NLGN4X: variants seen among roughly 807,000 people sequenced by gnomAD.
The protein encoded by NLGN4X is neuroligin-4, X-linked.
A neutral mutation model predicts 40.3 loss-of-function variants in NLGN4X; 3 were observed. The ratio of observed to expected loss-of-function variants is 0.07; its 90% CI spans 0.03 to 0.19. NLGN4X has a LOEUF of 0.19. NLGN4X is among the 10% of genes least tolerant of loss of function. The pLI is 1.00. For missense variants in NLGN4X, 382 were observed against 708.3 expected, an observed-to-expected ratio of 0.54 and a Z score of 5.23; for synonymous variants, 270 against 306.8, an observed-to-expected ratio of 0.88 and a Z score of 1.25.
At chrX:6,102,052 C>T (rs1000937453) in intron 2 of NLGN4X, among the ~76,000 whole-genome samples, 2 of 111,062 alleles carry the variant, frequency 1.8e-5, no homozygotes, top group East Asian at 2.8e-4. Context: ...CCTCGTGATC[C>T]GCCTGCCTCA....
At chrX:6,164,291 C>T (rs764495904) in intron 1 of NLGN4X, among the ~76,000 whole-genome samples, 4 of 112,529 alleles carry the variant, frequency 3.6e-5, no homozygotes, top group Non-Finnish European at 5.6e-5. Flanking sequence ...AACCTCATTT[C>T]CTTTAAAAGG....
chrX:6,197,453 T>TTTTTTTTTTTTTTTTTTTTTG (rs1327294621), intron 1 of NLGN4X, among the ~76,000 whole-genome samples: 4 of 106,624 alleles, frequency 3.8e-5, no homozygotes, highest in Non-Finnish European at 7.8e-5. Flanking sequence ...GTATTTTTTA[T>TTTTTTTTTTTTTTTTTTTTTG]AGAGACGGAG....
chrX:5,985,391 C>G (rs894791885), intron 3 of NLGN4X, among the ~76,000 whole-genome samples: 1 of 111,047 alleles, frequency 9.0e-6, no homozygotes, highest in African/African-American at 3.3e-5. Flanking sequence ...CTCTGGAGTA[C>G]CTAGGACTAC....
chrX:6,137,986 G>A (rs146921736), intron 2 of NLGN4X, among the ~76,000 whole-genome samples: 541 of 111,426 alleles, frequency 4.9e-3, no homozygotes, highest in African/African-American at 0.015. Context: ...TCAGGGAAAC[G>A]TGCAGTAAAC....
chrX:5,959,048 TG>T (rs1280450751), intron 3 of NLGN4X, among the ~76,000 whole-genome samples: 1 of 112,229 alleles, frequency 8.9e-6, no homozygotes, highest in Non-Finnish European at 1.9e-5. Flanking sequence ...CAGGCCCAAA[TG>T]TGTTACACAT....
At chrX:6,106,403 G>A (rs1281375183) in intron 2 of NLGN4X, among the ~76,000 whole-genome samples, 1 of 111,546 alleles carries the variant, frequency 9.0e-6, no homozygotes, top group African/African-American at 3.3e-5. Context: ...CATGCATACT[G>A]TATGGAATCA....
chrX:5,997,566 A>ATGTG (rs34152567), intron 3 of NLGN4X, among the ~76,000 whole-genome samples: 12 of 53,990 alleles, frequency 2.2e-4, no homozygotes, highest in African/African-American at 7.9e-4. Context: ...ATAAAATTAC[A>ATGTG]TGTGTGTGTG....
intron 3 of NLGN4X, among the ~76,000 whole-genome samples, chrX:5,944,650 CAAAAAAAAA>C (rs750871231): frequency 2.3e-4 from 6 of 25,576 alleles, no homozygotes; most frequent in Admixed American, 9.4e-4. Flanking sequence ...GACTCTGTCT[CAAAAAAAAA>C]AAAAAAAAAA....
intron 2 of NLGN4X, among the ~76,000 whole-genome samples, chrX:6,129,309 A>G (rs761139948): frequency 3.6e-5 from 4 of 112,019 alleles, no homozygotes; most frequent in Non-Finnish European, 7.5e-5. Context: ...CTTGCCAGTC[A>G]ATAGAGTACT....
intron 3 of NLGN4X, among the ~76,000 whole-genome samples, chrX:6,006,043 T>C (rs993352354): frequency 9.0e-6 from 1 of 111,724 alleles, no homozygotes; most frequent in African/African-American, 3.3e-5. Context: ...GAAATTTGCA[T>C]GCCTTTTCTT....
At chrX:6,106,184 G>A (rs750283157) in intron 2 of NLGN4X, among the ~76,000 whole-genome samples, 2 of 111,801 alleles carry the variant, frequency 1.8e-5, no homozygotes, top group African/African-American at 6.5e-5. Flanking sequence ...GTCAGATCAG[G>A]TTTTGCCCCC....
chrX:6,154,482 T>C (rs778270814), intron 1 of NLGN4X, among the ~76,000 whole-genome samples: 2 of 110,356 alleles, frequency 1.8e-5, no homozygotes, highest in Non-Finnish European at 3.8e-5. Flanking sequence ...AGAACCACTG[T>C]AAATTTAACC....
At chrX:6,192,255 G>A (rs1922609121) in intron 1 of NLGN4X, among the ~76,000 whole-genome samples, 2 of 110,996 alleles carry the variant, frequency 1.8e-5, no homozygotes, top group Admixed American at 1.9e-4. Flanking sequence ...AGCCTCCCAA[G>A]TAGCTGGGAC....
At chrX:6,180,958 G>A (rs143067006) in intron 1 of NLGN4X, among the ~76,000 whole-genome samples, 2,668 of 111,471 alleles carry the variant, frequency 0.024, 78 homozygotes, top group African/African-American at 0.08. Flanking sequence ...TAAGTAAAGC[G>A]AAGATAAAGC....
At chrX:6,210,230 G>A (rs758571292) in intron 1 of NLGN4X, among the ~76,000 whole-genome samples, 219 of 93,053 alleles carry the variant, frequency 2.4e-3, no homozygotes, top group African/African-American at 2.8e-3. Context: ...TTGTGCGTGC[G>A]TGTGCGCCCG....
At chrX:5,971,493 T>C (rs935831300) in intron 3 of NLGN4X, among the ~76,000 whole-genome samples, 8 of 111,699 alleles carry the variant, frequency 7.2e-5, no homozygotes, top group Non-Finnish European at 1.3e-4. Flanking sequence ...TTCTCTGAGT[T>C]TGAAACAGCT....
Position 5,892,381 on chromosome X carries a change from T to C in NLGN4X, c.*436A>G. 1 of 191,756 alleles carries C rather than the reference T, an allele frequency of 5.2e-6. No individual in the cohort carries two copies. The highest frequency in any genetic ancestry group is 9.7e-6 in the Non-Finnish European group (1 of 102,947). 15.8% of individuals were successfully genotyped at this position (191,756 alleles called of 1,213,427 possible). A position where few individuals can be genotyped will look rare whatever the true frequency, so the allele number is the denominator to read the frequency against. On this transcript the variant is annotated 3_prime_UTR_variant, in exon 6 of 6. Transcript: ENST00000381095. The stretch of plus-strand genomic sequence containing the variant: ...CTCTTTCTTCACTTAAGGAGAGCCA[T>C]CCATTGTGTGGCACAGAAAGAAATG...
chrX:6,198,106 TTTA>T (rs1923288134), intron 1 of NLGN4X, among the ~76,000 whole-genome samples: 1 of 110,761 alleles, frequency 9.0e-6, no homozygotes, highest in Non-Finnish European at 1.9e-5. Context: ...TTCATATCAT[TTTA>T]AAGAAAGCTT....
Position 6,032,617 on chromosome X carries a change from A to G in NLGN4X, c.473-3185T>C, listed in dbSNP as rs1186740366. 6 of 695,597 alleles carry G rather than the reference A, an allele frequency of 8.6e-6. No individual in the cohort carries two copies. In the South Asian group the frequency reaches 1.3e-4, roughly 15 times the overall value. 57.3% of individuals were successfully genotyped at this position (695,597 alleles called of 1,213,427 possible). On this transcript the variant is annotated intron_variant, in intron 2 of 5. Coordinates refer to ENST00000381095, the MANE Select transcript of NLGN4X (RefSeq NM_181332.3). The stretch of plus-strand genomic sequence containing the variant: ...ATAAGGGGAGAAAAAACAGATTGAA[A>G]TGAAAAAAAAAAAGAGAGATAGATA...
Sources: allele counts gnomAD v4.1 joint callset (sites outside exome capture counted in the v4.1 genomes callset), GRCh38; gene constraint gnomAD v4.1.1; transcripts MANE v1.5; gene names NCBI Gene and HGNC (gene_info 2026-07-23, HGNC 2026-07-21).